The following SEH1L variants were observed in gnomAD, a reference collection of about 807,000 sequenced individuals.
SEH1L encodes the protein SEH1 like nucleoporin.
SEH1L carries 18 observed loss-of-function variants against 49.5 expected under a neutral mutation model. That is an observed-to-expected ratio of 0.36 (90% confidence interval 0.25 to 0.54). SEH1L has a LOEUF of 0.54. Among genes scored for constraint, SEH1L ranks in the 20% least tolerant of loss-of-function variants. The probability of loss-of-function intolerance (pLI) is 0.87; values close to 1 mark genes in which losing one functional copy is unlikely to be tolerated. For missense variants in SEH1L, 404 were observed against 528.8 expected (o/e 0.76, Z 2.31); for synonymous variants, 169 against 178.1 (o/e 0.95, Z 0.41).
At chr18:12,982,868 T>C in intron 7 of SEH1L, 193 bp downstream of exon 7, 1 of 486,648 alleles carries the variant, frequency 2.1e-6, no homozygotes, top group Non-Finnish European at 3.6e-6. Context: ...TTTTAAGTTA[T>C]GTGGAACAGA....
chr18:12,959,900 A>G (rs2031090885), intron 3 of SEH1L, among the ~76,000 whole-genome samples: 1 of 152,186 alleles, frequency 6.6e-6, no homozygotes, highest in Non-Finnish European at 1.5e-5. Flanking sequence ...AGTCACCGGT[A>G]CTTGGAGATA....
At chr18:12,983,062 T>C (rs2032334002) in intron 7 of SEH1L, 1 of 153,894 alleles carries the variant, frequency 6.5e-6, no homozygotes, top group Non-Finnish European at 1.4e-5. Flanking sequence ...ATCCAGTATC[T>C]TCCCTGCTTC....
chr18:12,983,890 A>T (rs1238900744), intron 7 of SEH1L, 150 bp from the exon 8 acceptor site: 1 of 503,944 alleles, frequency 2.0e-6, no homozygotes, highest in Non-Finnish European at 3.4e-6. Context: ...TCTTTCATTT[A>T]AAAAGTGTCT....
At chr18:12,985,498 C>T in intron 8 of SEH1L, 1 of 1,238,934 alleles carries the variant, frequency 8.1e-7, no homozygotes, top group Non-Finnish European at 1.0e-6. Context: ...TCTGTTGAGA[C>T]ATTGTCACCA....
At chr18:12,980,959 G>T (rs1224491020) in intron 6 of SEH1L, among the ~76,000 whole-genome samples, 1 of 151,146 alleles carries the variant, frequency 6.6e-6, no homozygotes, top group African/African-American at 2.4e-5. Context: ...TGGCTGCCGG[G>T]CGGAGATGCT....
rs3070220 is a variant in SEH1L, at chr18:12,962,459, C to CTTTTTTTTTTTTTTTTTTTTTTTT, written c.310-698_310-675dup. On this transcript the variant is annotated intron_variant, in intron 3 of 8. Transcript: ENST00000399892. ...TTGAGAGAAGAAATTGCATGCCTTT[C>CTTTTTTTTTTTTTTTTTTTTTTTT]TTTTTTTTTTTTTTTTTTTTTTTTT... Among the ~76,000 whole-genome samples, 3 of 63,662 alleles carry CTTTTTTTTTTTTTTTTTTTTTTTT rather than the reference C, an allele frequency of 4.7e-5. 1 individual carries two copies. The highest frequency in any genetic ancestry group is 8.3e-5 in the Non-Finnish European group (3 of 36,262). The allele number at this position is 63,662 out of a possible 152,430, so 41.8% of individuals were successfully genotyped here.
chr18:12,957,961 G>A (rs1444059806), intron 3 of SEH1L, among the ~76,000 whole-genome samples: 1 of 151,734 alleles, frequency 6.6e-6, no homozygotes, highest in Non-Finnish European at 1.5e-5. Flanking sequence ...CTCTCACCTC[G>A]GCCTCCCAAA....
intron 3 of SEH1L, among the ~76,000 whole-genome samples, chr18:12,958,541 C>T (rs182850930): frequency 6.6e-6 from 1 of 152,284 alleles, no homozygotes; most frequent in Non-Finnish European, 1.5e-5. Flanking sequence ...CTCCCTCTAC[C>T]CCCTATTCAA....
Position 12,948,047 on chromosome 18 carries a change from C to A in SEH1L, c.-75C>A. 1 of 1,136,296 alleles carries A rather than the reference C, an allele frequency of 8.8e-7. No homozygotes were observed. The highest frequency in any genetic ancestry group is 1.3e-6 in the Non-Finnish European group (1 of 778,808). The allele number at this position is 1,136,296 out of a possible 1,614,324, so 70.4% of individuals were successfully genotyped here. A position where few individuals can be genotyped will look rare whatever the true frequency, so the allele number is the denominator to read the frequency against. On this transcript the variant is annotated 5_prime_UTR_variant, in exon 1 of 9. Transcript: ENST00000399892. Reference sequence around the variant, plus strand: ...TGCGCTCCCGGGCTGCGAGGTCTGGCTAGGCTACGGGCCACGCGCCGCCGC... The same window carrying A: ...TGCGCTCCCGGGCTGCGAGGTCTGGATAGGCTACGGGCCACGCGCCGCCGC...
Position 12,985,049 on chromosome 18 carries a change from G to C in SEH1L, c.1070+859G>C, listed in dbSNP as rs527948302. ...ACCGTGGAAGATACCAGATTATAAA[G>C]ATTATTTCATGAAACAAATAATATT... On this transcript the variant is annotated intron_variant, in intron 8 of 8. Coordinates refer to ENST00000399892, the MANE Select transcript of SEH1L (RefSeq NM_001013437.2). 4 of 475,718 alleles carry C rather than the reference G, an allele frequency of 8.4e-6. No homozygotes were observed. The South Asian group carries it at 2.2e-4, about 26-fold the overall frequency. 29.5% of individuals were successfully genotyped at this position (475,718 alleles called of 1,614,324 possible).
At chr18:12,979,634 A>C (rs1382505669) in intron 6 of SEH1L, among the ~76,000 whole-genome samples, 1 of 151,252 alleles carries the variant, frequency 6.6e-6, no homozygotes, top group Non-Finnish European at 1.5e-5. Flanking sequence ...CTCACTTCCC[A>C]GTAGGGGCGG....
In SEH1L at chr18:12,968,743, C is replaced by T. The variant is rs77021171; in HGVS notation, c.522-2410C>T. Among the ~76,000 whole-genome samples, 170 of 152,204 alleles carry T rather than the reference C, an allele frequency of 1.1e-3. 2 individuals carry two copies. The East Asian group carries it at 0.029, about 26-fold the overall frequency. The stretch of plus-strand genomic sequence containing the variant: ...ATTTCAGTGGGCTTTTGGAGGGAGG[C>T]GGAGATCCAGGTGATCTGTCTACAC... On this transcript the variant is annotated intron_variant, in intron 4 of 8. Transcript: ENST00000399892.
At chr18:12,981,943 T>C (rs149534248) in intron 6 of SEH1L, among the ~76,000 whole-genome samples, 1,728 of 130,478 alleles carry the variant, frequency 0.013, 15 homozygotes, top group Non-Finnish European at 0.019. Context: ...CACTGCAACC[T>C]CCACCTCCCA....
intron 8 of SEH1L, chr18:12,986,113 A>G: frequency 3.0e-6 from 3 of 984,788 alleles, no homozygotes; most frequent in Non-Finnish European, 3.6e-6. Context: ...ATGTAAATTA[A>G]TTGTCAGCAT....
chr18:12,968,494 C>T (rs912419724), intron 4 of SEH1L, among the ~76,000 whole-genome samples: 1 of 152,162 alleles, frequency 6.6e-6, no homozygotes, highest in African/African-American at 2.4e-5. Context: ...GACCAAATCA[C>T]TCCATGATTG....
At chr18:12,978,503 C>T (rs1364371815) in intron 5 of SEH1L, 2 of 369,826 alleles carry the variant, frequency 5.4e-6, no homozygotes, top group Admixed American at 4.1e-5. Context: ...TAGGACCCAC[C>T]CTAAATCTCG....
At chr18:12,983,788 G>GT (rs1448862847) in intron 7 of SEH1L, among the ~76,000 whole-genome samples, 1 of 152,194 alleles carries the variant, frequency 6.6e-6, no homozygotes, top group Non-Finnish European at 1.5e-5. Context: ...GTCTTTGCTA[G>GT]TATCTGTAAG....
chr18:12,958,001 G>C (rs554695889), intron 3 of SEH1L, among the ~76,000 whole-genome samples: 4 of 151,038 alleles, frequency 2.6e-5, no homozygotes, highest in Non-Finnish European at 4.4e-5. Flanking sequence ...GAGCCACTAC[G>C]AGGGCCATGA....
intron 5 of SEH1L, among the ~76,000 whole-genome samples, chr18:12,975,002 T>TA (rs1344584957): frequency 6.6e-6 from 1 of 150,770 alleles, no homozygotes; most frequent in African/African-American, 2.5e-5. Context: ...TATTTTATTT[T>TA]TTTTTTTGAG....
Sources: allele counts gnomAD v4.1 joint callset (sites outside exome capture counted in the v4.1 genomes callset), GRCh38; gene constraint gnomAD v4.1.1; transcripts MANE v1.5; gene names NCBI Gene and HGNC (gene_info 2026-07-23, HGNC 2026-07-21).